PHF19: variants seen among roughly 807,000 people sequenced by gnomAD.
The protein encoded by PHF19 is PHD finger protein 19.
A neutral mutation model predicts 79.8 loss-of-function variants in PHF19; 21 were observed. The observed-to-expected ratio is 0.26, with a 90% CI of 0.19 to 0.38. PHF19 has a LOEUF of 0.38. Ranked by LOEUF, PHF19 falls within the 10% of genes least tolerant of loss-of-function variation. The pLI, the probability that PHF19 is intolerant of heterozygous loss-of-function variation, is 1.00. For synonymous variants in PHF19, 273 were observed against 296.3 expected (o/e 0.92, Z 0.81); for missense variants, 445 against 744.2 (o/e 0.60, Z 4.68).
chr9:120,882,886 G>A (rs2046208351), intron 1 of PHF19, among the ~76,000 whole-genome samples: 1 of 151,672 alleles, frequency 6.6e-6, no homozygotes, highest in African/African-American at 2.4e-5. Flanking sequence ...CACACAAGAG[G>A]CTTTTCACAA....
chr9:120,861,040 C>A, intron 13 of PHF19, 49 bp downstream of exon 13: 1 of 1,065,134 alleles, frequency 9.4e-7, no homozygotes, highest in South Asian at 1.3e-5. Flanking sequence ...CTGCTTGGTT[C>A]CCTCCCTGTC....
At chr9:120,863,607 G>A (rs935824505) in intron 10 of PHF19, among the ~76,000 whole-genome samples, 1 of 152,196 alleles carries the variant, frequency 6.6e-6, no homozygotes, top group Non-Finnish European at 1.5e-5. Flanking sequence ...GGCCTTGAGT[G>A]CCAGGTTCAG....
At chr9:120,861,674 T>C (rs1292802169) in intron 12 of PHF19, among the ~76,000 whole-genome samples, 3 of 152,126 alleles carry the variant, frequency 2.0e-5, no homozygotes, top group African/African-American at 4.8e-5. Flanking sequence ...TCAGTGTCCC[T>C]ACCTGGACAG....
At chr9:120,889,577 C>T (rs933451179) in intron 1 of PHF19, among the ~76,000 whole-genome samples, 8 of 148,800 alleles carry the variant, frequency 5.4e-5, no homozygotes, top group South Asian at 2.1e-4. Context: ...CCTGCCTCTA[C>T]GAAAAATTAA....
Position 120,892,339 on chromosome 9 carries a change from G to A in PHF19, c.42+2449C>T, listed in dbSNP as rs1588140846. Among the ~76,000 whole-genome samples, 4 of 152,288 alleles carry A rather than the reference G, an allele frequency of 2.6e-5. No individual in the cohort carries two copies. In the Middle Eastern group the frequency reaches 0.014, roughly 518 times the overall value. ...ATGGGACTTGGGCCAGCACGGAGTA[G>A]GAGTGGGGAGGCGGTGGGGAGCGGG... On this transcript the variant is annotated intron_variant, in intron 1 of 14. Coordinates refer to the PHF19 transcript ENST00000616568.
At chr9:120,871,473 T>C (rs889765394) in intron 3 of PHF19, among the ~76,000 whole-genome samples, 1 of 152,240 alleles carries the variant, frequency 6.6e-6, no homozygotes, top group Admixed American at 6.5e-5. Context: ...CATTTCCAAT[T>C]GTTTCTTAAG....
chr9:120,871,682 AAC>A (rs1296250847), intron 3 of PHF19, among the ~76,000 whole-genome samples: 3 of 152,178 alleles, frequency 2.0e-5, no homozygotes, highest in African/African-American at 7.2e-5. Flanking sequence ...GTATACATTA[AAC>A]ACATTTTGAT....
chr9:120,861,223 T>C (rs1341598553), intron 12 of PHF19, 49 bp from the exon 13 acceptor site: 1 of 1,066,554 alleles, frequency 9.4e-7, no homozygotes, highest in South Asian at 1.2e-5. Context: ...GAGTATCAAA[T>C]CCACCTCCCA....
At chr9:120,896,748 C>G (rs1364261329), upstream of PHF19, among the ~76,000 whole-genome samples, 1 of 152,114 alleles carries the variant, frequency 6.6e-6, no homozygotes, top group Admixed American at 6.5e-5. Context: ...CCACCGTGCC[C>G]GGCCGTTTGT....
In PHF19 at chr9:120,877,178, C is replaced by G; in HGVS notation, c.-103G>C. On this transcript the variant is annotated 5_prime_UTR_variant, in exon 1 of 15. Transcript: ENST00000373896. ...GGCGGCTGCGCTCGGCCCGCGGCTG[C>G]CCGGCCGAGTGTCCGCCCGTGGGGC... is the stretch of plus-strand genomic sequence containing the variant. The G allele has an allele frequency of 1.0e-6, 1 of 984,018 alleles. No homozygotes were observed. The highest frequency in any genetic ancestry group is 1.2e-6 in the Non-Finnish European group (1 of 829,274). 61.0% of individuals were successfully genotyped at this position (984,018 alleles called of 1,614,324 possible).
chr9:120,859,977 C>T (rs1187767086), intron 14 of PHF19, 113 bp downstream of exon 14: 5 of 679,562 alleles, frequency 7.4e-6, no homozygotes, highest in South Asian at 4.8e-5. Context: ...GTACTCCCCG[C>T]CAGAGACTGA....
chr9:120,874,676 G>T lies in PHF19; in HGVS notation c.66C>A (p.Asn22Lys), dbSNP rs1487734169. The T allele has an allele frequency of 6.2e-7, 1 of 1,613,450 alleles. No individual in the cohort carries two copies. Among genetic ancestry groups the T allele is most frequent in the Non-Finnish European group, 8.5e-7 (1 of 1,179,352 alleles). Residue 22 changes from asparagine (N) to lysine (K), a missense_variant, in exon 2 of 15, where the codon AAC (asparagine) becomes AAA (lysine). Asn to Lys is a moderately conservative substitution (Grantham distance 94). This residue lies in a region of PHF19 where 50 missense variants were observed against 54.8 expected (regional missense o/e 0.91). Transcript: ENST00000373896. This position sits in a 1 kb window ranked among gnomAD's most constrained non-coding sequence, Gnocchi z 4.5. ...TCTTGACCTTCGCCAGGGCCCCCTT[G>T]TTGGGGAGGTGGCTGGTGGCACCAT... ...DSYGATSHLP[N>K]KGALAKVKNN...
At chr9:120,884,173 A>G (rs959767730) in intron 1 of PHF19, among the ~76,000 whole-genome samples, 4 of 152,232 alleles carry the variant, frequency 2.6e-5, no homozygotes, top group African/African-American at 9.6e-5. Context: ...TCTACATACT[A>G]CATTCAATTA....
Position 120,864,112 on chromosome 9 carries a change from G to T in PHF19, c.905C>A (p.Thr302Asn). 1 of 1,613,740 alleles carries T rather than the reference G, an allele frequency of 6.2e-7. No individual in the cohort carries two copies. Among genetic ancestry groups the T allele is most frequent in the Non-Finnish European group, 8.5e-7 (1 of 1,179,804 alleles). ...TCCTCGATCTGTCACTGGGGTGCTG[G>T]TGAGCTGTGGGAGAGCAGGCCAGCA... is the stretch of plus-strand genomic sequence containing the variant. Reference protein sequence around the residue: ...HWELLQLGKLTSTPVTDRGPH... With the variant: ...HWELLQLGKLNSTPVTDRGPH... Residue 302 changes from threonine to asparagine, a missense_variant, in exon 10 of 15, where the codon ACC (threonine) becomes AAC (asparagine). Physicochemically the swap from Thr to Asn is moderately conservative, Grantham distance 65. This residue lies in a region of PHF19 where 167 missense variants were observed against 375.8 expected (regional missense o/e 0.44). Transcript: ENST00000373896.
intron 3 of PHF19, among the ~76,000 whole-genome samples, chr9:120,872,044 A>AAAG (rs1315532673): frequency 1.1e-4 from 15 of 139,444 alleles, no homozygotes; most frequent in Middle Eastern, 3.5e-3. Context: ...TCTCAAAAAA[A>AAAG]AAAAAAAAAA....
intron 1 of PHF19, among the ~76,000 whole-genome samples, chr9:120,882,596 C>T (rs2046202229): frequency 1.3e-5 from 2 of 152,150 alleles, no homozygotes; most frequent in Admixed American, 6.5e-5. Context: ...AATCCCAGCA[C>T]TTTGAGAGGC....
At chr9:120,877,442 C>T (rs947554179), upstream of PHF19, 42 of 754,094 alleles carry the variant, frequency 5.6e-5, no homozygotes, top group East Asian at 6.4e-4. Flanking sequence ...CCCCCGCCCG[C>T]CCCCGCCCGC....
intron 1 of PHF19, among the ~76,000 whole-genome samples, chr9:120,883,018 T>A (rs1036054290): frequency 6.6e-6 from 1 of 151,864 alleles, no homozygotes; most frequent in African/African-American, 2.4e-5. Context: ...AGCATGGAGG[T>A]GTAGAGAGTT....
Position 120,869,434 on chromosome 9 carries a change from C to A in PHF19, c.466-104G>T, listed in dbSNP as rs115965143. The A allele has an allele frequency of 3.1e-4, 433 of 1,380,548 alleles. 3 individuals are homozygous for A. The African/African-American group carries it at 5.5e-3, about 18-fold the overall frequency. 85.5% of individuals were successfully genotyped at this position (1,380,548 alleles called of 1,614,324 possible). A position where few individuals can be genotyped will look rare whatever the true frequency, so the allele number is the denominator to read the frequency against. ...GAAGTGCTGCCAGGGCTTGGGGGAC[C>A]CGCAGATATTCCAATATAGTCAGAA... is the stretch of plus-strand genomic sequence containing the variant. On this transcript the variant is annotated intron_variant, in intron 5 of 14. Coordinates refer to ENST00000373896, the MANE Select transcript of PHF19 (RefSeq NM_015651.3). The surrounding 1 kb of genome is among the most constrained non-coding windows in gnomAD (Gnocchi z 5.8).
Sources: gnomAD v4.1 joint callset for allele counts (sites outside exome capture counted in the v4.1 genomes callset) on GRCh38, gnomAD v4.1.1 for gene constraint, gnomAD v4.1.1 regional missense constraint, Gnocchi (gnomAD v3.1) non-coding constraint, MANE v1.5 for transcripts, NCBI Gene and HGNC (gene_info 2026-07-23, HGNC 2026-07-21) for gene names.